The following MCC variants were observed in gnomAD, a reference collection of about 807,000 sequenced individuals.
MCC encodes the protein colorectal mutant cancer protein.
MCC carries 90 observed loss-of-function variants against 116.2 expected under a neutral mutation model. That is an observed-to-expected ratio of 0.77 (90% CI 0.65 to 0.92). The LOEUF (loss-of-function observed/expected upper bound fraction) is 0.92. MCC is among the 40% of genes least tolerant of loss of function. MCC has a pLI of 0.00. For synonymous variants in MCC, 578 were observed against 510.5 expected, an observed-to-expected ratio of 1.13 and a Z score of -1.78; for missense variants, 1,516 against 1,312.2, an observed-to-expected ratio of 1.16 and a Z score of -2.40.
intron 6 of MCC, among the ~76,000 whole-genome samples, chr5:113,113,651 C>CA (rs11405354): frequency 0.78 from 84,934 of 108,220 alleles, 34,705 homozygotes; most frequent in Non-Finnish European, 0.9. Context: ...TATGTTCTTG[C>CA]AAAAAAAAAA....
intron 3 of MCC, among the ~76,000 whole-genome samples, chr5:113,249,774 A>G (rs1764724099): frequency 1.3e-5 from 2 of 152,206 alleles, no homozygotes; most frequent in South Asian, 4.1e-4. Context: ...GGACCAGGGC[A>G]GGACAAATGT....
chr5:113,293,555 G>C (rs1030739620), intron 3 of MCC, among the ~76,000 whole-genome samples: 1 of 152,134 alleles, frequency 6.6e-6, no homozygotes, highest in Non-Finnish European at 1.5e-5. Flanking sequence ...TCAAAGCTTT[G>C]AGGGATGTGC....
At chr5:113,294,927 G>A (rs890412176) in intron 3 of MCC, 3 of 985,522 alleles carry the variant, frequency 3.0e-6, no homozygotes, top group Non-Finnish European at 3.6e-6. Flanking sequence ...CCTTCGAATC[G>A]TCTGGAGTTG....
At chr5:113,386,248 C>T (rs1483727763) in intron 1 of MCC, among the ~76,000 whole-genome samples, 1 of 152,172 alleles carries the variant, frequency 6.6e-6, no homozygotes, top group Non-Finnish European at 1.5e-5. Flanking sequence ...TACCAAAGTT[C>T]AGTTATCTGG....
chr5:113,465,641 A>G (rs930319986), intron 1 of MCC, among the ~76,000 whole-genome samples: 3 of 152,212 alleles, frequency 2.0e-5, no homozygotes, highest in Non-Finnish European at 2.9e-5. Context: ...GATCTCTAAT[A>G]TACGAAGACC....
intron 17 of MCC, among the ~76,000 whole-genome samples, chr5:113,035,074 C>G (rs547205927): frequency 3.9e-5 from 6 of 152,270 alleles, no homozygotes; most frequent in African/African-American, 1.4e-4. Context: ...TGTTTGCGGC[C>G]TCTTAACTGG....
chr5:113,052,681 C>A lies in MCC; in HGVS notation c.2448+1044G>T, dbSNP rs370815985. Among the ~76,000 whole-genome samples, 34 of 152,302 alleles carry A rather than the reference C, an allele frequency of 2.2e-4. 1 individual carries two copies. The highest frequency in any genetic ancestry group is 7.9e-4 in the African/African-American group (33 of 41,564). Reference sequence around the variant, plus strand: ...GTTTTTCTCCCTGCTGCGGACAGTACTGATCCTAATAGGAGCCATTAACTC... The same window carrying A: ...GTTTTTCTCCCTGCTGCGGACAGTAATGATCCTAATAGGAGCCATTAACTC... On this transcript the variant is annotated intron_variant, in intron 15 of 18. Transcript: ENST00000408903.
At chr5:113,051,257 C>A (rs1009433627) in intron 15 of MCC, among the ~76,000 whole-genome samples, 5 of 152,058 alleles carry the variant, frequency 3.3e-5, no homozygotes, top group Non-Finnish European at 7.4e-5. Flanking sequence ...CTCCCCCTAC[C>A]CCCACCACCG....
intron 5 of MCC, among the ~76,000 whole-genome samples, chr5:113,137,619 C>T (rs763952341): frequency 1.3e-5 from 2 of 152,084 alleles, no homozygotes; most frequent in Non-Finnish European, 2.9e-5. Context: ...ATTTTTACCT[C>T]TATTTTCATT....
At chr5:113,266,827 A>T (rs1765437686) in intron 3 of MCC, among the ~76,000 whole-genome samples, 1 of 152,100 alleles carries the variant, frequency 6.6e-6, no homozygotes, top group Non-Finnish European at 1.5e-5. Flanking sequence ...AAAAAACCTA[A>T]CAAAAAAACC....
chr5:113,444,892 C>T (rs1771163808), intron 1 of MCC, among the ~76,000 whole-genome samples: 1 of 152,176 alleles, frequency 6.6e-6, no homozygotes, highest in Admixed American at 6.5e-5. Flanking sequence ...TTTATTCCCA[C>T]AATAACCCTA....
chr5:113,426,352 T>C (rs974024478), intron 1 of MCC, among the ~76,000 whole-genome samples: 1 of 152,160 alleles, frequency 6.6e-6, no homozygotes, highest in Non-Finnish European at 1.5e-5. Context: ...GTCGTTGTCA[T>C]CCTTCAAAAT....
chr5:113,393,906 T>A (rs1267614834), intron 1 of MCC, among the ~76,000 whole-genome samples: 1 of 152,138 alleles, frequency 6.6e-6, no homozygotes, highest in African/African-American at 2.4e-5. Flanking sequence ...TATCTTAGAG[T>A]CATATCCTTG....
chr5:113,400,396 T>C (rs943571295), intron 1 of MCC, among the ~76,000 whole-genome samples: 3 of 152,170 alleles, frequency 2.0e-5, no homozygotes, highest in Admixed American at 2.0e-4. Flanking sequence ...GTGCTGGGAT[T>C]ACAAGCGTGA....
intron 6 of MCC, among the ~76,000 whole-genome samples, chr5:113,107,698 C>T (rs1402426840): frequency 6.6e-6 from 1 of 152,196 alleles, no homozygotes; most frequent in African/African-American, 2.4e-5. Context: ...GCATTAAGTG[C>T]TCATGAGTGA....
intron 1 of MCC, among the ~76,000 whole-genome samples, chr5:113,388,322 A>G (rs1047100414): frequency 1.3e-5 from 2 of 152,238 alleles, no homozygotes; most frequent in Non-Finnish European, 2.9e-5. Flanking sequence ...GTATAGAAAT[A>G]CAAAATTAAC....
At chr5:113,150,762 T>C (rs1248285485) in intron 4 of MCC, among the ~76,000 whole-genome samples, 16 of 152,080 alleles carry the variant, frequency 1.1e-4, no homozygotes, top group Admixed American at 9.8e-4. Context: ...AAAATTAATA[T>C]TAACAAGATA....
chr5:113,187,531 C>T (rs1244423116), intron 3 of MCC, among the ~76,000 whole-genome samples: 1 of 152,012 alleles, frequency 6.6e-6, no homozygotes, highest in South Asian at 2.1e-4. Flanking sequence ...TTCTGGGGCT[C>T]CCAAACTTAC....
At chr5:113,141,121 C>T (rs1484422049) in intron 5 of MCC, among the ~76,000 whole-genome samples, 1 of 152,176 alleles carries the variant, frequency 6.6e-6, no homozygotes, top group Non-Finnish European at 1.5e-5. Flanking sequence ...AATTCACTCT[C>T]CCTCTTCCTG....
Sources: allele counts gnomAD v4.1 joint callset (sites outside exome capture counted in the v4.1 genomes callset), GRCh38; gene constraint gnomAD v4.1.1; transcripts MANE v1.5; gene names NCBI Gene and HGNC (gene_info 2026-07-23, HGNC 2026-07-21).